The following ZMYM2 variants were observed in gnomAD, a reference collection of about 807,000 sequenced individuals.
The protein encoded by ZMYM2 is zinc finger MYM-type protein 2.
Under a neutral mutation model 162.8 loss-of-function variants are expected in ZMYM2, and 56 were observed. The observed-to-expected ratio is 0.34, with a 90% CI of 0.28 to 0.43. The LOEUF (loss-of-function observed/expected upper bound fraction) is 0.43, where lower values mean the gene tolerates loss of function less well. Among genes scored for constraint, ZMYM2 ranks in the 20% least tolerant of loss-of-function variants. The probability of loss-of-function intolerance (pLI) is 1.00; values close to 1 mark genes in which losing one functional copy is unlikely to be tolerated. For missense variants in ZMYM2, 1,275 were observed against 1,621.8 expected (o/e 0.79, Z 3.67); for synonymous variants, 510 against 541.6 (o/e 0.94, Z 0.81).
At chr13:19,895,864 C>T in the ZMYM2 span, among the ~76,000 whole-genome samples, 1 of 151,332 alleles carries the variant, frequency 6.6e-6, no homozygotes. Flanking sequence ...TGGGAACAAT[C>T]CAAGTGTAAA....
chr13:20,041,003 A>C (rs1383987858), intron 12 of ZMYM2, among the ~76,000 whole-genome samples: 1 of 152,154 alleles, frequency 6.6e-6, no homozygotes, highest in African/African-American at 2.4e-5. Flanking sequence ...GCATTTACTG[A>C]GGAATGTTTT....
intron 2 of ZMYM2, among the ~76,000 whole-genome samples, chr13:19,967,317 G>A (rs1285489792): frequency 6.6e-6 from 1 of 152,118 alleles, no homozygotes; most frequent in Non-Finnish European, 1.5e-5. Context: ...ATATATGAGG[G>A]CCTCACATGG....
At position 19,971,262 on chromosome 13, in the gene ZMYM2, A is replaced by AT. The variant is rs67460005; in HGVS notation, c.-11+11257dup. ...TGTGTGTGTATATATATATATATAT[A>AT]TTTTTTTTTTTTTTTTTTTTTCCTT... On this transcript the variant is annotated intron_variant, in intron 2 of 24. Coordinates refer to ENST00000610343, the MANE Select transcript of ZMYM2 (RefSeq NM_197968.4). Among the ~76,000 whole-genome samples the AT allele has an allele frequency of 2.2e-3, 173 of 78,338 alleles. 1 individual carries two copies. The highest frequency in any genetic ancestry group is 4.7e-3 in the African/African-American group (101 of 21,570). The allele number at this position is 78,338 out of a possible 152,430, so 51.4% of individuals were successfully genotyped here. A position where few individuals can be genotyped will look rare whatever the true frequency, so the allele number is the denominator to read the frequency against.
At chr13:19,931,108 C>T in the ZMYM2 span, among the ~76,000 whole-genome samples, 4 of 147,660 alleles carry the variant, frequency 2.7e-5, no homozygotes, top group South Asian at 2.1e-4. Flanking sequence ...CACAGCACTC[C>T]GGCCTGGGTG....
At chr13:19,931,525 A>G in the ZMYM2 span, among the ~76,000 whole-genome samples, 2 of 152,184 alleles carry the variant, frequency 1.3e-5, no homozygotes, top group Non-Finnish European at 2.9e-5. Flanking sequence ...TACTGTCTTC[A>G]TAGTTTTGCT....
chr13:19,884,381 C>G, the ZMYM2 span, among the ~76,000 whole-genome samples: 1 of 151,068 alleles, frequency 6.6e-6, no homozygotes, highest in African/African-American at 2.4e-5. Flanking sequence ...CGAGACGGCC[C>G]GGGCTAACAC....
the ZMYM2 span, among the ~76,000 whole-genome samples, chr13:19,899,046 G>A: frequency 6.0e-5 from 9 of 151,252 alleles, no homozygotes; most frequent in South Asian, 1.0e-3. Context: ...TCCGCCTCCC[G>A]GGTTTAAGCA....
chr13:20,007,777 C>T (rs1433622204), intron 6 of ZMYM2, among the ~76,000 whole-genome samples: 6 of 151,668 alleles, frequency 4.0e-5, no homozygotes, highest in Non-Finnish European at 4.4e-5. Flanking sequence ...TGCACCACCA[C>T]GCTGAGCTAA....
At chr13:20,050,989 A>G (rs1250900562) in intron 12 of ZMYM2, among the ~76,000 whole-genome samples, 1 of 152,104 alleles carries the variant, frequency 6.6e-6, no homozygotes, top group African/African-American at 2.4e-5. Flanking sequence ...GTTAACATCC[A>G]TAAATTTCCC....
In ZMYM2 at chr13:20,031,351, G is replaced by A; in HGVS notation, c.1884G>A (p.Gln628=). The part of the protein sequence containing the change: ...ALSMQSSPNG[Q]FVAPSDIQLK... ...GTATGCAGTCATCTCCAAATGGCCA[G>A]TTTGTAGCGCCAAGTGATATTCAGT... Residue 628 remains glutamine (Q), a synonymous_variant, in exon 10 of 25, where the codon CAG becomes CAA. Transcript: ENST00000610343. The A allele has an allele frequency of 3.1e-6, 5 of 1,609,154 alleles. No individual in the cohort carries two copies. The highest frequency in any genetic ancestry group is 4.2e-6 in the Non-Finnish European group (5 of 1,178,798).
intron 12 of ZMYM2, among the ~76,000 whole-genome samples, chr13:20,038,058 T>TGAAGG (rs1387130075): frequency 1.2e-4 from 19 of 152,224 alleles, no homozygotes; most frequent in African/African-American, 4.1e-4. Context: ...TGCTTTTCTT[T>TGAAGG]TCCTGTGTTA....
chr13:20,031,198 C>G (rs973726041), intron 9 of ZMYM2, 121 bp from the exon 10 acceptor site: 11 of 630,580 alleles, frequency 1.7e-5, no homozygotes, highest in Non-Finnish European at 7.8e-6. Context: ...GTTTTATGTG[C>G]TGAAAAGATA....
At chr13:19,945,738 T>C in the ZMYM2 span, among the ~76,000 whole-genome samples, 1,506 of 151,834 alleles carry the variant, frequency 9.9e-3, 26 homozygotes, top group African/African-American at 0.035. Flanking sequence ...TTAGAAAAGT[T>C]TTTTCACCAG....
the ZMYM2 span, among the ~76,000 whole-genome samples, chr13:19,922,801 A>T: frequency 3.9e-5 from 6 of 152,050 alleles, no homozygotes; most frequent in Non-Finnish European, 8.8e-5. Context: ...CCGAGATCCC[A>T]CCACTGCACT....
At chr13:19,970,486 T>A (rs1956202726) in intron 2 of ZMYM2, among the ~76,000 whole-genome samples, 1 of 151,972 alleles carries the variant, frequency 6.6e-6, no homozygotes, top group Non-Finnish European at 1.5e-5. Context: ...TTATTCTAAT[T>A]TTCCATTTTT....
chr13:19,917,188 T>G, the ZMYM2 span, among the ~76,000 whole-genome samples: 10 of 152,084 alleles, frequency 6.6e-5, no homozygotes, highest in South Asian at 1.0e-3. Context: ...GGTCTCAATC[T>G]CCTGACCTCG....
At chr13:19,918,691 G>C in the ZMYM2 span, among the ~76,000 whole-genome samples, 1 of 151,472 alleles carries the variant, frequency 6.6e-6, no homozygotes, top group South Asian at 2.1e-4. Context: ...GTAGAGACAG[G>C]TTTCATCATA....
chr13:20,036,101 C>G (rs1352969926), intron 11 of ZMYM2, among the ~76,000 whole-genome samples: 1 of 152,024 alleles, frequency 6.6e-6, no homozygotes. Context: ...ATTCTACTTA[C>G]ATAGCACAGT....
At chr13:19,897,672 T>TTTG in the ZMYM2 span, among the ~76,000 whole-genome samples, 2 of 149,602 alleles carry the variant, frequency 1.3e-5, no homozygotes, top group African/African-American at 2.5e-5. Flanking sequence ...CAAAATAGAG[T>TTTG]TTAAGTCAAA....
Sources: gnomAD v4.1 joint callset for allele counts (sites outside exome capture counted in the v4.1 genomes callset) on GRCh38, gnomAD v4.1.1 for gene constraint, MANE v1.5 for transcripts, NCBI Gene and HGNC (gene_info 2026-07-23, HGNC 2026-07-21) for gene names.